NAV3: variants seen among roughly 807,000 people sequenced by gnomAD.
NAV3 encodes the protein pore membrane and/or filament interacting like protein 1.
In NAV3, 87 loss-of-function variants were observed where a neutral mutation model predicts 244.7. The ratio of observed to expected loss-of-function variants is 0.36; its 90% confidence interval spans 0.30 to 0.42. The LOEUF (loss-of-function observed/expected upper bound fraction) is 0.42, where lower values mean the gene tolerates loss of function less well. Among genes scored for constraint, NAV3 ranks in the 20% least tolerant of loss-of-function variants. The pLI is 1.00. For synonymous variants in NAV3, 1,126 were observed against 1,042.2 expected (o/e 1.08, Z -1.55); for missense variants, 2,663 against 2,893.3 (o/e 0.92, Z 1.83).
intron 31 of NAV3, among the ~76,000 whole-genome samples, chr12:78,186,653 G>A (rs1958733131): frequency 6.8e-6 from 1 of 147,964 alleles, no homozygotes; most frequent in Admixed American, 6.9e-5. Flanking sequence ...CCTGTTCACA[G>A]TAATTCTAAC....
chr12:77,813,021 C>T (rs552570820), intron 2 of NAV3, among the ~76,000 whole-genome samples: 31 of 152,102 alleles, frequency 2.0e-4, no homozygotes, highest in Non-Finnish European at 3.8e-4. Flanking sequence ...CGGGGTTTTA[C>T]CATGTTGGCC....
At chr12:78,026,031 C>T (rs368262739) in intron 9 of NAV3, among the ~76,000 whole-genome samples, 1 of 152,178 alleles carries the variant, frequency 6.6e-6, no homozygotes, top group African/African-American at 2.4e-5. Flanking sequence ...CTCTGTTTTC[C>T]TCAAACCTTA....
At chr12:77,927,181 A>G (rs1348694593) in intron 1 of NAV3, among the ~76,000 whole-genome samples, 1 of 152,220 alleles carries the variant, frequency 6.6e-6, no homozygotes, top group African/African-American at 2.4e-5. Flanking sequence ...GTGTGGTATT[A>G]ATATTTAGAT....
At chr12:78,170,019 T>C (rs777641710) in intron 24 of NAV3, among the ~76,000 whole-genome samples, 13 of 151,760 alleles carry the variant, frequency 8.6e-5, no homozygotes, top group Non-Finnish European at 1.8e-4. Context: ...CTATGCATCC[T>C]ATTTAAAATA....
intron 2 of NAV3, among the ~76,000 whole-genome samples, chr12:77,599,864 A>G (rs1312125543): frequency 6.6e-6 from 1 of 151,976 alleles, no homozygotes; most frequent in African/African-American, 2.4e-5. Context: ...TCAAACACAA[A>G]CAAATACTAA....
At chr12:78,020,341 T>C (rs1452886964) in intron 8 of NAV3, among the ~76,000 whole-genome samples, 2 of 152,180 alleles carry the variant, frequency 1.3e-5, no homozygotes, top group African/African-American at 4.8e-5. Context: ...ATCTTTTAAA[T>C]TTAGCTACTT....
intron 1 of NAV3, among the ~76,000 whole-genome samples, chr12:77,855,111 A>G (rs1878189728): frequency 6.6e-6 from 1 of 152,312 alleles, no homozygotes; most frequent in South Asian, 2.1e-4. Flanking sequence ...TGGGTGACAG[A>G]GCGAGACTCC....
chr12:77,972,708 G>C (rs1893097920), intron 5 of NAV3, among the ~76,000 whole-genome samples: 1 of 151,968 alleles, frequency 6.6e-6, no homozygotes, highest in Non-Finnish European at 1.5e-5. Context: ...TTTTCCACAG[G>C]TATTCATTGG....
At chr12:77,997,734 A>C (rs1245665931) in intron 6 of NAV3, among the ~76,000 whole-genome samples, 1 of 152,212 alleles carries the variant, frequency 6.6e-6, no homozygotes, top group Non-Finnish European at 1.5e-5. Flanking sequence ...AAAATGAAAA[A>C]GGTTTTTTGT....
intron 1 of NAV3, among the ~76,000 whole-genome samples, chr12:77,834,233 A>G (rs1874230652): frequency 6.6e-6 from 1 of 152,126 alleles, no homozygotes; most frequent in Non-Finnish European, 1.5e-5. Flanking sequence ...TTCTCTACAC[A>G]GCACTTCCCT....
intron 16 of NAV3, among the ~76,000 whole-genome samples, chr12:78,122,908 T>A (rs1955737252): frequency 6.9e-6 from 1 of 144,342 alleles, no homozygotes; most frequent in Non-Finnish European, 1.5e-5. Flanking sequence ...TTGGCCTGGT[T>A]AAAAAAAAAA....
chr12:77,689,214 G>C (rs577438974), intron 2 of NAV3, among the ~76,000 whole-genome samples: 1 of 151,858 alleles, frequency 6.6e-6, no homozygotes, highest in Non-Finnish European at 1.5e-5. Context: ...TTATTCTCAT[G>C]TCTTGAACAT....
chr12:77,866,752 C>A (rs1880100586), intron 1 of NAV3, among the ~76,000 whole-genome samples: 1 of 152,168 alleles, frequency 6.6e-6, no homozygotes, highest in Non-Finnish European at 1.5e-5. Context: ...ACTTGAATAA[C>A]ATTCAAATGG....
chr12:78,025,993 A>T (rs375870423), intron 9 of NAV3, among the ~76,000 whole-genome samples: 4 of 152,136 alleles, frequency 2.6e-5, no homozygotes, highest in East Asian at 1.9e-4. Context: ...ATGGACTAAG[A>T]TACTTGATTT....
chr12:77,639,730 T>C (rs1872315216), intron 2 of NAV3, among the ~76,000 whole-genome samples: 1 of 152,114 alleles, frequency 6.6e-6, no homozygotes, highest in South Asian at 2.1e-4. Flanking sequence ...TTACAGGCAA[T>C]GGCAGAGACA....
At chr12:78,160,181 A>C (rs1047298137) in intron 23 of NAV3, among the ~76,000 whole-genome samples, 6 of 152,188 alleles carry the variant, frequency 3.9e-5, no homozygotes, top group Admixed American at 6.6e-5. Flanking sequence ...TTATGGTATG[A>C]AAGAAGGTAT....
At chr12:77,746,476 C>T (rs182252660) in intron 2 of NAV3, among the ~76,000 whole-genome samples, 1 of 152,184 alleles carries the variant, frequency 6.6e-6, no homozygotes, top group Admixed American at 6.6e-5. Flanking sequence ...CCTACAAGTA[C>T]ATCTATATGT....
At chr12:77,976,835 C>T (rs1868532552) in intron 5 of NAV3, among the ~76,000 whole-genome samples, 1 of 151,712 alleles carries the variant, frequency 6.6e-6, no homozygotes, top group African/African-American at 2.4e-5. Context: ...CACGCCACCA[C>T]ATCTGGCTAA....
At chr12:77,608,055 A>G (rs943575298) in intron 2 of NAV3, among the ~76,000 whole-genome samples, 7 of 152,044 alleles carry the variant, frequency 4.6e-5, no homozygotes, top group African/African-American at 1.7e-4. Context: ...AAGATCCAAT[A>G]AGAAATGAGA....
Sources: gnomAD v4.1 joint callset for allele counts (sites outside exome capture counted in the v4.1 genomes callset) on GRCh38, gnomAD v4.1.1 for gene constraint, MANE v1.5 for transcripts, NCBI Gene and HGNC (gene_info 2026-07-23, HGNC 2026-07-21) for gene names.